The following CACNA2D3 variants were observed in gnomAD, a reference collection of about 807,000 sequenced individuals.
CACNA2D3 encodes the protein calcium voltage-gated channel auxiliary subunit alpha2delta 3.
A neutral mutation model predicts 160.6 loss-of-function variants in CACNA2D3; 60 were observed. The ratio of observed to expected loss-of-function variants is 0.37; its 90% confidence interval spans 0.30 to 0.46. CACNA2D3 has a LOEUF of 0.46. Among genes scored for constraint, CACNA2D3 ranks in the 20% least tolerant of loss-of-function variants. The pLI, the probability that CACNA2D3 is intolerant of heterozygous loss-of-function variation, is 1.00. For synonymous variants in CACNA2D3, 558 were observed against 492.9 expected (o/e 1.13, Z -1.75); for missense variants, 1,205 against 1,365.0 (o/e 0.88, Z 1.85).
intron 34 of CACNA2D3, among the ~76,000 whole-genome samples, chr3:55,011,896 T>G (rs10049249): frequency 1.3e-5 from 2 of 151,998 alleles, no homozygotes; most frequent in Admixed American, 1.3e-4. Context: ...TTGACTCACT[T>G]TTCCACAATT....
intron 5 of CACNA2D3, among the ~76,000 whole-genome samples, chr3:54,551,582 G>C (rs1053941826): frequency 6.6e-6 from 1 of 152,126 alleles, no homozygotes; most frequent in South Asian, 2.1e-4. Flanking sequence ...AGGGAAAGTG[G>C]ATTTGTTTCC....
chr3:54,164,360 G>A (rs1576971183), intron 2 of CACNA2D3, among the ~76,000 whole-genome samples: 1 of 152,204 alleles, frequency 6.6e-6, no homozygotes, highest in Non-Finnish European at 1.5e-5. Context: ...GCTGCCGCAG[G>A]ATGGGACCAA....
chr3:54,750,471 G>T (rs1337021622), intron 11 of CACNA2D3, among the ~76,000 whole-genome samples: 1 of 152,162 alleles, frequency 6.6e-6, no homozygotes, highest in Admixed American at 6.5e-5. Flanking sequence ...GTTCATCCTG[G>T]ATTCTGTGGG....
chr3:54,658,028 G>A (rs1487523647), intron 11 of CACNA2D3, among the ~76,000 whole-genome samples: 1 of 152,022 alleles, frequency 6.6e-6, no homozygotes, highest in Non-Finnish European at 1.5e-5. Context: ...TCTCAAAAAA[G>A]AAAAAAGAAA....
In CACNA2D3 at chr3:54,751,632, T is replaced by G. The variant is rs191681155; in HGVS notation, c.1168-967T>G. 5.2e-3 allele frequency among the ~76,000 whole-genome samples: 789 copies of G among 152,232 alleles called. 6 individuals are homozygous for G. Among genetic ancestry groups the G allele is most frequent in the African/African-American group, 0.018 (739 of 41,548 alleles). ...ACAAAATGCTAGCTAACCACAATTG[T>G]AGCAAAGGCTGGGGAGGAGCAATAG... On this transcript the variant is annotated intron_variant, in intron 11 of 37. Coordinates refer to ENST00000474759, the MANE Select transcript of CACNA2D3 (RefSeq NM_018398.3).
At chr3:54,240,252 C>G (rs7645251) in intron 2 of CACNA2D3, among the ~76,000 whole-genome samples, 2,239 of 151,996 alleles carry the variant, frequency 0.015, 63 homozygotes, top group African/African-American at 0.052. Context: ...GAAAACATCC[C>G]AGATAGGAGC....
At chr3:55,032,748 C>G (rs1462195230) in intron 35 of CACNA2D3, among the ~76,000 whole-genome samples, 1 of 152,098 alleles carries the variant, frequency 6.6e-6, no homozygotes, top group Non-Finnish European at 1.5e-5. Context: ...TATAGAAAAA[C>G]CGGTGCCTGG....
chr3:54,122,983 T>G, intron 1 of CACNA2D3, 148 bp downstream of exon 1: 5 of 719,506 alleles, frequency 6.9e-6, no homozygotes, highest in Non-Finnish European at 3.7e-6. Flanking sequence ...GGGACCCGCG[T>G]CGGGCGGCGA....
intron 4 of CACNA2D3, among the ~76,000 whole-genome samples, chr3:54,460,907 T>C (rs1700491466): frequency 1.3e-5 from 2 of 152,172 alleles, no homozygotes; most frequent in African/African-American, 4.8e-5. Context: ...ATATCGGCTG[T>C]GGGTTTGTCA....
intron 11 of CACNA2D3, among the ~76,000 whole-genome samples, chr3:54,740,306 C>G (rs1342116131): frequency 6.6e-6 from 1 of 152,092 alleles, no homozygotes; most frequent in African/African-American, 2.4e-5. Flanking sequence ...AAGAAATAAA[C>G]TTTCTCTGGG....
chr3:54,504,306 G>T (rs1312210196), intron 5 of CACNA2D3, among the ~76,000 whole-genome samples: 1 of 152,112 alleles, frequency 6.6e-6, no homozygotes, highest in Non-Finnish European at 1.5e-5. Context: ...AATTCCAGTT[G>T]GAATTATAGT....
At chr3:54,615,114 A>G (rs1037101255) in intron 9 of CACNA2D3, among the ~76,000 whole-genome samples, 2 of 152,224 alleles carry the variant, frequency 1.3e-5, no homozygotes, top group African/African-American at 4.8e-5. Flanking sequence ...AAGAGGAAGC[A>G]CTTCTTCGCA....
chr3:54,500,509 C>CTTCCTTCG (rs1701272735), intron 4 of CACNA2D3, among the ~76,000 whole-genome samples: 1 of 74,990 alleles, frequency 1.3e-5, no homozygotes, highest in South Asian at 5.3e-4. Context: ...TCCTATCTTC[C>CTTCCTTCG]TTCCTTCCTT....
chr3:54,871,690 G>C (rs769757160), intron 18 of CACNA2D3, 68 bp downstream of exon 18: 2 of 1,256,116 alleles, frequency 1.6e-6, no homozygotes, highest in African/African-American at 3.0e-5. Flanking sequence ...ACCTGGGGGC[G>C]ATCCCAGGAG....
At chr3:54,732,752 CACTG>C (rs1413206840) in intron 11 of CACNA2D3, among the ~76,000 whole-genome samples, 1 of 152,220 alleles carries the variant, frequency 6.6e-6, no homozygotes, top group Admixed American at 6.5e-5. Flanking sequence ...AGACACCATT[CACTG>C]ACTGCTGACC....
chr3:54,707,826 G>A (rs1190927589), intron 11 of CACNA2D3, among the ~76,000 whole-genome samples: 4 of 152,176 alleles, frequency 2.6e-5, no homozygotes. Flanking sequence ...CTTCAGCAGA[G>A]GAGTGAGAAA....
At chr3:54,846,795 G>A (rs537472788) in intron 17 of CACNA2D3, among the ~76,000 whole-genome samples, 19 of 152,278 alleles carry the variant, frequency 1.2e-4, no homozygotes, top group African/African-American at 4.6e-4. Context: ...GTCCCTTGAT[G>A]TAATACATGG....
At chr3:54,632,522 A>G (rs1699263523) in intron 10 of CACNA2D3, 1 of 152,250 alleles carries the variant, frequency 6.6e-6, no homozygotes, top group African/African-American at 2.4e-5. Context: ...AGACCAGGGT[A>G]CAAGGCTGTT....
chr3:54,228,047 T>G (rs923189761), intron 2 of CACNA2D3, among the ~76,000 whole-genome samples: 1 of 152,196 alleles, frequency 6.6e-6, no homozygotes, highest in Non-Finnish European at 1.5e-5. Flanking sequence ...GCTCTGTGGA[T>G]CCTCTTCTAT....
Sources: gnomAD v4.1 joint callset for allele counts (sites outside exome capture counted in the v4.1 genomes callset) on GRCh38, gnomAD v4.1.1 for gene constraint, MANE v1.5 for transcripts, NCBI Gene and HGNC (gene_info 2026-07-23, HGNC 2026-07-21) for gene names.